MYO5B: variants seen among roughly 807,000 people sequenced by gnomAD.
MYO5B encodes the protein unconventional myosin-Vb.
In MYO5B, 143 loss-of-function variants were observed where a neutral mutation model predicts 229.3. That is an observed-to-expected ratio of 0.62 (90% CI 0.54 to 0.72). MYO5B has a LOEUF of 0.72. Among genes scored for constraint, MYO5B ranks in the 30% least tolerant of loss-of-function variants. The probability of loss-of-function intolerance (pLI) is 0.00; values close to 1 mark genes in which losing one functional copy is unlikely to be tolerated. For missense variants in MYO5B, 2,321 were observed against 2,331.0 expected, an observed-to-expected ratio of 1.00 and a Z score of 0.09; for synonymous variants, 918 against 885.2, an observed-to-expected ratio of 1.04 and a Z score of -0.66.
intron 9 of MYO5B, among the ~76,000 whole-genome samples, 178 bp downstream of exon 9, chr18:49,980,266 G>A (rs2025799515): frequency 3.3e-5 from 5 of 152,186 alleles, no homozygotes; most frequent in African/African-American, 9.7e-5. Flanking sequence ...AAACTTGATG[G>A]CAGCTGATTT....
intron 1 of MYO5B, among the ~76,000 whole-genome samples, chr18:50,137,644 G>C (rs1201070128): frequency 6.6e-6 from 1 of 151,948 alleles, no homozygotes; most frequent in African/African-American, 2.4e-5. Context: ...TATACCCAGA[G>C]GAATGTAAAT....
intron 2 of MYO5B, among the ~76,000 whole-genome samples, chr18:50,043,603 AATATATAAAT>A (rs1351025146): frequency 9.8e-5 from 13 of 132,904 alleles, no homozygotes; most frequent in East Asian, 2.1e-4. Context: ...TAAGTATATA[AATATATAAAT>A]ATATATAAAT....
chr18:49,823,331 G>T lies in MYO5B; in HGVS notation c.*3140C>A, dbSNP rs1188286789. 6.6e-6 allele frequency: 1 copy of T among 152,250 alleles called. No individual in the cohort carries two copies. Among genetic ancestry groups the T allele is most frequent in the Non-Finnish European group, 1.5e-5 (1 of 68,042 alleles). 9.4% of individuals were successfully genotyped at this position (152,250 alleles called of 1,614,324 possible). On this transcript the variant is annotated 3_prime_UTR_variant, in exon 40 of 40. Coordinates refer to ENST00000285039, the MANE Select transcript of MYO5B (RefSeq NM_001080467.3). ...AAACTGACCACAAATATTCTGTGAA[G>T]AACTACAAGGTCTTGCCCCATGCTG...
intron 10 of MYO5B, among the ~76,000 whole-genome samples, chr18:49,973,251 G>C (rs1042311280): frequency 6.6e-6 from 1 of 152,094 alleles, no homozygotes; most frequent in African/African-American, 2.4e-5. Context: ...TCCATAGCAT[G>C]CAACATAGTT....
intron 1 of MYO5B, among the ~76,000 whole-genome samples, chr18:50,153,239 T>C (rs539017718): frequency 1.3e-5 from 2 of 152,262 alleles, no homozygotes; most frequent in East Asian, 1.9e-4. Context: ...GTTTCAAAGA[T>C]TGAAAATAAG....
intron 1 of MYO5B, among the ~76,000 whole-genome samples, chr18:50,149,039 A>C (rs1197095874): frequency 6.6e-6 from 1 of 151,680 alleles, no homozygotes; most frequent in African/African-American, 2.4e-5. Flanking sequence ...ATACACCAAT[A>C]ACAGACAAAC....
chr18:49,889,258 C>T (rs1568019153), intron 22 of MYO5B, among the ~76,000 whole-genome samples: 1 of 152,236 alleles, frequency 6.6e-6, no homozygotes, highest in Non-Finnish European at 1.5e-5. Flanking sequence ...TCAAATGCAT[C>T]TAATTTGCTA....
At chr18:50,140,250 G>A (rs1287963731) in intron 1 of MYO5B, among the ~76,000 whole-genome samples, 2 of 152,170 alleles carry the variant, frequency 1.3e-5, no homozygotes, top group African/African-American at 4.8e-5. Flanking sequence ...TTACCATTTT[G>A]GGAAAATGAA....
chr18:49,863,471 G>T, intron 28 of MYO5B, 144 bp from the exon 29 acceptor site: 1 of 731,422 alleles, frequency 1.4e-6, no homozygotes. Context: ...ACCCACGCCA[G>T]GAACATGACT....
At position 50,011,689 on chromosome 18, in the gene MYO5B, C is replaced by T. The variant is rs1397460813; in HGVS notation, c.456-10278G>A. ...TTGAATTTTTTTCTAATCCACCCCACGAAGCCCTGTTCCTCCTCCTTTCCC... is the reference window on the plus strand; with the variant it reads ...TTGAATTTTTTTCTAATCCACCCCATGAAGCCCTGTTCCTCCTCCTTTCCC... On this transcript the variant is annotated intron_variant, in intron 4 of 39. Transcript: ENST00000285039. Among the ~76,000 whole-genome samples, 7 of 152,070 alleles carry T rather than the reference C, an allele frequency of 4.6e-5. No homozygotes were observed. The East Asian group carries it at 5.9e-4, about 13-fold the overall frequency.
At chr18:49,997,369 CTTTTTTTTTTTTTTT>C (rs34011258) in intron 5 of MYO5B, among the ~76,000 whole-genome samples, 2 of 60,354 alleles carry the variant, frequency 3.3e-5, no homozygotes, top group Middle Eastern at 0.019. Flanking sequence ...TCCTTTCTTT[CTTTTTTTTTTTTTTT>C]TTTTTTTTTT....
At chr18:49,867,425 G>C (rs2024409424) in intron 27 of MYO5B, among the ~76,000 whole-genome samples, 1 of 152,146 alleles carries the variant, frequency 6.6e-6, no homozygotes, top group Non-Finnish European at 1.5e-5. Context: ...GTATGTTGGT[G>C]AGGACTGAAG....
At chr18:50,097,321 A>G (rs1397899099) in intron 1 of MYO5B, 6 of 455,574 alleles carry the variant, frequency 1.3e-5, no homozygotes, top group Admixed American at 2.4e-5. Flanking sequence ...CTGCAGGCAC[A>G]GTGAAGGCAG....
intron 4 of MYO5B, among the ~76,000 whole-genome samples, chr18:50,019,268 G>A (rs1015000921): frequency 2.6e-5 from 4 of 152,154 alleles, no homozygotes; most frequent in Admixed American, 2.0e-4. Flanking sequence ...TATTTTCCTT[G>A]CAGTTTTTAT....
chr18:49,877,743 C>T lies in MYO5B; in HGVS notation c.3396+20G>A. ...ACTCCCTCTGGAGGAGGACAGTACC[C>T]AAGAGCCTGCATCACTCACCTCCAC... is the stretch of plus-strand genomic sequence containing the variant. On this transcript the variant is annotated intron_variant, in intron 25 of 39. Coordinates refer to ENST00000285039, the MANE Select transcript of MYO5B (RefSeq NM_001080467.3). 6.2e-7 allele frequency: 1 copy of T among 1,613,658 alleles called. No homozygotes were observed. Among genetic ancestry groups the T allele is most frequent in the Non-Finnish European group, 8.5e-7 (1 of 1,179,758 alleles).
chr18:49,971,690 T>G (rs962018240), intron 10 of MYO5B, among the ~76,000 whole-genome samples: 1 of 152,188 alleles, frequency 6.6e-6, no homozygotes, highest in African/African-American at 2.4e-5. Context: ...CACTTCCATA[T>G]TTAGGGCATG....
chr18:49,938,453 A>C (rs1350093885), intron 14 of MYO5B, among the ~76,000 whole-genome samples: 1 of 152,070 alleles, frequency 6.6e-6, no homozygotes, highest in African/African-American at 2.4e-5. Context: ...TTGGGGGAAA[A>C]GGAGGGAGGG....
chr18:49,983,434 G>A (rs1205009460), intron 8 of MYO5B, among the ~76,000 whole-genome samples: 2 of 152,140 alleles, frequency 1.3e-5, no homozygotes, highest in African/African-American at 2.4e-5. Flanking sequence ...CAGCCTGCTT[G>A]TACAAAACAG....
chr18:50,184,107 G>T (rs1417241550), intron 1 of MYO5B, among the ~76,000 whole-genome samples: 1 of 152,172 alleles, frequency 6.6e-6, no homozygotes, highest in Non-Finnish European at 1.5e-5. Context: ...AATGGACTAA[G>T]ACAGTGTACT....
Sources: allele counts gnomAD v4.1 joint callset (sites outside exome capture counted in the v4.1 genomes callset), GRCh38; gene constraint gnomAD v4.1.1; transcripts MANE v1.5; gene names NCBI Gene and HGNC (gene_info 2026-07-23, HGNC 2026-07-21).